Variants in FAM110B observed in about 807,000 individuals in gnomAD.
The protein encoded by FAM110B is protein FAM110B.
In FAM110B, 6 loss-of-function variants were observed where a neutral mutation model predicts 20.4. That is an observed-to-expected ratio of 0.29 (90% CI 0.16 to 0.58). The LOEUF (loss-of-function observed/expected upper bound fraction) is 0.58. FAM110B is among the 20% of genes least tolerant of loss of function. The pLI is 0.90. For missense variants in FAM110B, 434 were observed against 498.2 expected (o/e 0.87, Z 1.23); for synonymous variants, 226 against 214.1 (o/e 1.06, Z -0.49).
At chr8:58,058,057 T>C (rs967943987) in intron 2 of FAM110B, among the ~76,000 whole-genome samples, 9 of 152,246 alleles carry the variant, frequency 5.9e-5, no homozygotes, top group Admixed American at 1.3e-4. Context: ...TGCATGTGGC[T>C]TTATTATTGT....
chr8:58,073,776 C>T (rs1035886018), intron 2 of FAM110B, among the ~76,000 whole-genome samples: 1 of 152,184 alleles, frequency 6.6e-6, no homozygotes, highest in Non-Finnish European at 1.5e-5. Flanking sequence ...TCTATGTGCT[C>T]ATTAAAGACA....
At chr8:58,138,595 G>A (rs547789268) in intron 3 of FAM110B, among the ~76,000 whole-genome samples, 1 of 152,152 alleles carries the variant, frequency 6.6e-6, no homozygotes, top group African/African-American at 2.4e-5. Flanking sequence ...TTGTGTAACT[G>A]AGCACCGAGT....
intron 1 of FAM110B, among the ~76,000 whole-genome samples, chr8:58,000,119 C>T (rs1272650973): frequency 1.3e-5 from 2 of 152,184 alleles, no homozygotes; most frequent in Non-Finnish European, 2.9e-5. Flanking sequence ...TGCAAGGTCT[C>T]TGGGCATTGA....
chr8:58,111,335 T>C (rs1488698440), intron 3 of FAM110B, among the ~76,000 whole-genome samples: 1 of 152,250 alleles, frequency 6.6e-6, no homozygotes, highest in Non-Finnish European at 1.5e-5. Flanking sequence ...ATTTTTGGCT[T>C]ATATTCCTGT....
intron 3 of FAM110B, among the ~76,000 whole-genome samples, chr8:58,129,836 T>G (rs539316967): frequency 1.3e-5 from 2 of 152,276 alleles, no homozygotes; most frequent in African/African-American, 4.8e-5. Flanking sequence ...TGCTTAAACC[T>G]CCCTCTTCTT....
At chr8:58,124,903 G>A (rs1935884386) in intron 3 of FAM110B, among the ~76,000 whole-genome samples, 3 of 152,108 alleles carry the variant, frequency 2.0e-5, no homozygotes, top group African/African-American at 7.2e-5. Flanking sequence ...TTGGTAGACC[G>A]CAACGTCAAC....
Position 57,994,723 on chromosome 8 carries a change from G to T in FAM110B, c.-595G>T, listed in dbSNP as rs1223521594. 1 of 152,344 alleles carries T rather than the reference G, an allele frequency of 6.6e-6. No homozygotes were observed. The highest frequency in any genetic ancestry group is 1.5e-5 in the Non-Finnish European group (1 of 68,294). The allele number at this position is 152,344 out of a possible 1,614,324, so 9.4% of individuals were successfully genotyped here. A position where few individuals can be genotyped will look rare whatever the true frequency, so the allele number is the denominator to read the frequency against. On this transcript the variant is annotated 5_prime_UTR_variant, in exon 1 of 4. Coordinates refer to ENST00000519262, the MANE Select transcript of FAM110B (RefSeq NM_001377989.1). ...GCTCTCGGCCCTTCGTCCCTCGCGG[G>T]CCCCGACTCTCCCTCCTTGCAGTCC... is the stretch of plus-strand genomic sequence containing the variant.
intron 3 of FAM110B, among the ~76,000 whole-genome samples, chr8:58,143,554 G>T (rs1803788697): frequency 6.6e-6 from 1 of 152,228 alleles, no homozygotes; most frequent in Non-Finnish European, 1.5e-5. Context: ...ACAATTGTGA[G>T]TGCTGGAGGA....
intron 2 of FAM110B, among the ~76,000 whole-genome samples, chr8:58,067,811 T>C (rs1225065712): frequency 6.6e-6 from 1 of 152,144 alleles, no homozygotes; most frequent in South Asian, 2.1e-4. Context: ...GAATCAAAAG[T>C]GTGTTGACTG....
intron 3 of FAM110B, among the ~76,000 whole-genome samples, chr8:58,111,176 C>G (rs1440669070): frequency 6.6e-6 from 1 of 152,170 alleles, no homozygotes; most frequent in Non-Finnish European, 1.5e-5. Context: ...AAACATAAAG[C>G]AAACTTCCAA....
At chr8:58,097,004 C>A (rs529232869) in intron 3 of FAM110B, among the ~76,000 whole-genome samples, 21 of 152,280 alleles carry the variant, frequency 1.4e-4, no homozygotes, top group African/African-American at 4.8e-4. Context: ...CTTGGTGAAT[C>A]TGACGATTAT....
At chr8:58,048,808 C>T (rs1451618856) in intron 2 of FAM110B, among the ~76,000 whole-genome samples, 1 of 152,142 alleles carries the variant, frequency 6.6e-6, no homozygotes, top group Admixed American at 6.5e-5. Flanking sequence ...TGTTAAACAT[C>T]TGATCACTGA....
chr8:58,089,708 G>A (rs971572674), intron 3 of FAM110B, among the ~76,000 whole-genome samples: 2 of 152,130 alleles, frequency 1.3e-5, no homozygotes, highest in African/African-American at 4.8e-5. Context: ...CTGATGACAG[G>A]TTTTACTTCT....
At chr8:58,052,552 G>A (rs73236448) in intron 2 of FAM110B, among the ~76,000 whole-genome samples, 8,397 of 152,156 alleles carry the variant, frequency 0.055, 307 homozygotes, top group South Asian at 0.11. Flanking sequence ...TTATATTTGA[G>A]TGAAATGAAG....
chr8:58,119,333 TC>T (rs1324772007), intron 3 of FAM110B, among the ~76,000 whole-genome samples: 32 of 152,216 alleles, frequency 2.1e-4, no homozygotes, highest in Admixed American at 2.1e-3. Context: ...TGGTGAGGGC[TC>T]CGTCCCCACA....
At chr8:58,126,719 G>A (rs2150630986) in intron 3 of FAM110B, among the ~76,000 whole-genome samples, 1 of 152,112 alleles carries the variant, frequency 6.6e-6, no homozygotes, top group Non-Finnish European at 1.5e-5. Context: ...TTGTTGAAAT[G>A]TCTTTTGCCC....
At chr8:58,077,954 C>T (rs1273723838) in intron 3 of FAM110B, among the ~76,000 whole-genome samples, 3 of 152,112 alleles carry the variant, frequency 2.0e-5, no homozygotes, top group Non-Finnish European at 4.4e-5. Flanking sequence ...TCAGTTTTCC[C>T]ATAAATAGAT....
chr8:58,024,128 G>A (rs193290765), intron 1 of FAM110B, among the ~76,000 whole-genome samples: 15 of 149,744 alleles, frequency 1.0e-4, no homozygotes, highest in Non-Finnish European at 1.9e-4. Flanking sequence ...ATGAACAAAA[G>A]TGATGGGCTA....
chr8:58,073,928 A>C (rs1805966346), intron 2 of FAM110B, among the ~76,000 whole-genome samples: 1 of 152,172 alleles, frequency 6.6e-6, no homozygotes, highest in Non-Finnish European at 1.5e-5. Context: ...ACCTGTTTGC[A>C]CAAGATCTTG....
Sources: allele counts gnomAD v4.1 joint callset (sites outside exome capture counted in the v4.1 genomes callset), GRCh38; gene constraint gnomAD v4.1.1; transcripts MANE v1.5; gene names NCBI Gene and HGNC (gene_info 2026-07-23, HGNC 2026-07-21).